TMEM201: variants seen among roughly 807,000 people sequenced by gnomAD.
TMEM201 encodes the protein RP13-15M17.2.
TMEM201 carries 26 observed loss-of-function variants against 63.4 expected under a neutral mutation model. That is an observed-to-expected ratio of 0.41 (90% CI 0.30 to 0.57). The LOEUF (loss-of-function observed/expected upper bound fraction) is 0.57, where lower values mean the gene tolerates loss of function less well. Ranked by LOEUF, TMEM201 falls within the 20% of genes least tolerant of loss-of-function variation. TMEM201 has a pLI of 0.29. For missense variants in TMEM201, 794 were observed against 917.7 expected (o/e 0.87, Z 1.74); for synonymous variants, 417 against 421.6 (o/e 0.99, Z 0.14).
chr1:9,593,332 C>A (rs142625733), intron 1 of TMEM201, among the ~76,000 whole-genome samples: 1 of 152,184 alleles, frequency 6.6e-6, no homozygotes, highest in Admixed American at 6.5e-5. Context: ...CCCCATCGAC[C>A]CCTGGCCTAC....
Position 9,588,955 on chromosome 1 carries a change from GC to G in TMEM201, c.28del (p.Arg10AlafsTer30). The G allele has an allele frequency of 1.6e-6, 2 of 1,272,474 alleles. No individual in the cohort carries two copies. The highest frequency in any genetic ancestry group is 1.6e-5 in the South Asian group (1 of 64,090). The allele number at this position is 1,272,474 out of a possible 1,614,324, so 78.8% of individuals were successfully genotyped here. A position where few individuals can be genotyped will look rare whatever the true frequency, so the allele number is the denominator to read the frequency against. On this transcript the variant is annotated frameshift_variant, in exon 1 of 11. Coordinates refer to ENST00000340381, the MANE Select transcript of TMEM201 (RefSeq NM_001130924.3). LOFTEE classifies it high-confidence loss of function. The stretch of plus-strand genomic sequence containing the variant: ...CATGGAGGGAGTGAGCGCGCTGCTG[GC>G]CCGCTGCCCCACGGCCGGCCTGGCC... MEGVSALL[A>X]RCPTAGLAGG...
intron 7 of TMEM201, among the ~76,000 whole-genome samples, chr1:9,609,312 G>T (rs542258086): frequency 1.3e-5 from 2 of 152,356 alleles, no homozygotes; most frequent in Non-Finnish European, 2.9e-5. Context: ...TCAGCTCTCA[G>T]CCAGCCACTT....
chr1:9,613,134 C>T lies in TMEM201; in HGVS notation c.*51C>T. 6.6e-7 allele frequency: 1 copy of T among 1,519,768 alleles called. No homozygotes were observed. Among genetic ancestry groups the T allele is most frequent in the Non-Finnish European group, 8.9e-7 (1 of 1,124,548 alleles). 94.1% of individuals were successfully genotyped at this position (1,519,768 alleles called of 1,614,324 possible). ...GAGCAACCCGGTGCCTGCTGCTTCA[C>T]CACTGCCGGCCTCAGGACCCTCCCT... On this transcript the variant is annotated 3_prime_UTR_variant, in exon 11 of 11. Coordinates refer to ENST00000340381, the MANE Select transcript of TMEM201 (RefSeq NM_001130924.3).
In TMEM201 at chr1:9,601,466, G is replaced by A; in HGVS notation, c.956+12G>A. ...GCTGGCCGCATCAGGTGTGCATGGG[G>A]CCAGGGCCAGGAGTTGGCGGGCAGG... On this transcript the variant is annotated intron_variant, in intron 5 of 10. Coordinates refer to ENST00000340381, the MANE Select transcript of TMEM201 (RefSeq NM_001130924.3). 2 of 1,569,904 alleles carry A rather than the reference G, an allele frequency of 1.3e-6. No individual in the cohort carries two copies. Among genetic ancestry groups the A allele is most frequent in the South Asian group, 1.2e-5 (1 of 86,894 alleles).
At chr1:9,589,092 C>A in intron 1 of TMEM201, 49 bp downstream of exon 1, 1 of 844,986 alleles carries the variant, frequency 1.2e-6, no homozygotes, top group Non-Finnish European at 1.4e-6. Flanking sequence ...GCCCGCCAGG[C>A]CCGCCCCCGC....
At chr1:9,596,182 C>G (rs1325244166) in intron 2 of TMEM201, among the ~76,000 whole-genome samples, 172 bp downstream of exon 2, 1 of 152,186 alleles carries the variant, frequency 6.6e-6, no homozygotes, top group Admixed American at 6.5e-5. Flanking sequence ...TTGTCTCACT[C>G]GATTCTCACC....
In TMEM201 at chr1:9,612,599, A is replaced by G. The variant is rs143787807; in HGVS notation, c.1904-387A>G. Among the ~76,000 whole-genome samples the G allele has an allele frequency of 8.1e-3, 1,240 of 152,368 alleles. 8 individuals carry two copies. Among genetic ancestry groups the G allele is most frequent in the South Asian group, 0.038 (183 of 4,834 alleles). On this transcript the variant is annotated intron_variant, in intron 10 of 10. Transcript: ENST00000340381. Reference sequence around the variant, plus strand: ...GGTGAGAACGCAGGCTGCGGCATGCAGCAGGTGGACCTGGGTTGGCTGCTT... The same window carrying G: ...GGTGAGAACGCAGGCTGCGGCATGCGGCAGGTGGACCTGGGTTGGCTGCTT...
chr1:9,604,197 G>A lies in TMEM201; in HGVS notation c.1160+1925G>A, dbSNP rs1644201455. 2 of 985,278 alleles carry A rather than the reference G, an allele frequency of 2.0e-6. No homozygotes were observed. The highest frequency in any genetic ancestry group is 9.4e-5 in the South Asian group (2 of 21,294). The allele number at this position is 985,278 out of a possible 1,614,324, so 61.0% of individuals were successfully genotyped here. On this transcript the variant is annotated intron_variant, in intron 6 of 10. Transcript: ENST00000340381. The surrounding 1 kb of genome is among the most constrained non-coding windows in gnomAD (Gnocchi z 4.1). ...GTGATGCTAATGTCTGCTTTTCTTG[G>A]CGTTGGGTAGAAGCAGGACATCTGT...
chr1:9,607,386 G>C lies in TMEM201; in HGVS notation c.1161-171G>C, dbSNP rs1373100123. ...ACCTCCCAGCCACCCGCTCCTAATG[G>C]CGTGAATGTGGTCGGATTGCTTTTC... On this transcript the variant is annotated intron_variant, in intron 6 of 10. Transcript: ENST00000340381. The surrounding 1 kb of genome is among the most constrained non-coding windows in gnomAD (Gnocchi z 5.4). Among the ~76,000 whole-genome samples, 1 of 152,048 alleles carries C rather than the reference G, an allele frequency of 6.6e-6. No individual in the cohort carries two copies.
Position 9,602,549 on chromosome 1 carries a change from G to A in TMEM201, c.1160+277G>A. 4 of 1,356,562 alleles carry A rather than the reference G, an allele frequency of 2.9e-6. No individual in the cohort carries two copies. The South Asian group carries it at 4.7e-5, about 16-fold the overall frequency. The allele number at this position is 1,356,562 out of a possible 1,614,324, so 84.0% of individuals were successfully genotyped here. A position where few individuals can be genotyped will look rare whatever the true frequency, so the allele number is the denominator to read the frequency against. ...TCTCTGGCCAATGGCCCTTTCACTG[G>A]CCTGGTGACTGGAATGTGGGCAGCG... is the stretch of plus-strand genomic sequence containing the variant. On this transcript the variant is annotated intron_variant, in intron 6 of 10. Coordinates refer to ENST00000340381, the MANE Select transcript of TMEM201 (RefSeq NM_001130924.3).
Position 9,588,955 on chromosome 1 carries a change from G to A in TMEM201, c.25G>A (p.Ala9Thr). The part of the protein sequence containing the change: MEGVSALL[A>T]RCPTAGLAGG... The stretch of plus-strand genomic sequence containing the variant: ...CATGGAGGGAGTGAGCGCGCTGCTG[G>A]CCCGCTGCCCCACGGCCGGCCTGGC... The change falls in exon 1 of 11, where the codon GCC (alanine) becomes ACC (threonine). Residue 9 changes from alanine (A) to threonine (T), a missense_variant. Coordinates refer to ENST00000340381, the MANE Select transcript of TMEM201 (RefSeq NM_001130924.3). 3.9e-6 allele frequency: 5 copies of A among 1,272,478 alleles called. No homozygotes were observed. The highest frequency in any genetic ancestry group is 1.6e-5 in the South Asian group (1 of 64,092). The allele number at this position is 1,272,478 out of a possible 1,614,324, so 78.8% of individuals were successfully genotyped here. A position where few individuals can be genotyped will look rare whatever the true frequency, so the allele number is the denominator to read the frequency against.
At chr1:9,609,935 G>C in intron 8 of TMEM201, 24 bp downstream of exon 8, 1 of 1,550,036 alleles carries the variant, frequency 6.5e-7, no homozygotes, top group Non-Finnish European at 8.7e-7. Flanking sequence ...AGAGCTAAGT[G>C]GGGGACGGGG....
At chr1:9,601,063 CTG>C in intron 4 of TMEM201, 40 bp from the exon 5 acceptor site, 1 of 1,532,988 alleles carries the variant, frequency 6.5e-7, no homozygotes, top group Non-Finnish European at 8.9e-7. Context: ...GGGGGTGGCT[CTG>C]TGGCCGTCTC....
rs796773858 is a variant in TMEM201 at position 9,607,755 on chromosome 1, C to T, written c.1359C>T (p.Leu453=). 1.8e-5 allele frequency: 28 copies of T among 1,551,720 alleles called. No homozygotes were observed. The African/African-American group carries it at 3.8e-4, about 21-fold the overall frequency. Residue 453 remains leucine, a synonymous_variant, in exon 7 of 11, where the codon CTC becomes CTT. Coordinates refer to ENST00000340381, the MANE Select transcript of TMEM201 (RefSeq NM_001130924.3). The surrounding 1 kb of genome is among the most constrained non-coding windows in gnomAD (Gnocchi z 5.4). ...TGCCTGGCCGCCTCAGCCGGGCCCTCTCTCTGGGAACCATACCCTCTCTGA... is the reference window on the plus strand; with the variant it reads ...TGCCTGGCCGCCTCAGCCGGGCCCTTTCTCTGGGAACCATACCCTCTCTGA... The part of the protein sequence containing the change: ...SSLPGRLSRA[L]SLGTIPSLTR...
Position 9,607,859 on chromosome 1 carries a change from C to T in TMEM201, c.1393+70C>T, listed in dbSNP as rs1644269753. On this transcript the variant is annotated intron_variant, in intron 7 of 10. Coordinates refer to ENST00000340381, the MANE Select transcript of TMEM201 (RefSeq NM_001130924.3). This position sits in a 1 kb window ranked among gnomAD's most constrained non-coding sequence, Gnocchi z 5.4. ...GCTGGGACAGAACTGTGGATGGGTA[C>T]ATAGTGTAGGGAGGGCCGGGAGTGG... 2.1e-6 allele frequency: 3 copies of T among 1,424,824 alleles called. No individual in the cohort carries two copies. Among genetic ancestry groups the T allele is most frequent in the East Asian group, 2.5e-5 (1 of 39,990 alleles). 88.3% of individuals were successfully genotyped at this position (1,424,824 alleles called of 1,614,324 possible).
At position 9,610,864 on chromosome 1, in the gene TMEM201, G is replaced by A. The variant is rs1190725115; in HGVS notation, c.1765+59G>A. ...GAGGGCCTCTGCTGCCAAGAGGCCT[G>A]GCTGTGCGGCGGTGGGGGGGCTCAT... On this transcript the variant is annotated intron_variant, in intron 9 of 10. Coordinates refer to ENST00000340381, the MANE Select transcript of TMEM201 (RefSeq NM_001130924.3). The surrounding 1 kb of genome is among the most constrained non-coding windows in gnomAD (Gnocchi z 4.9). 13 of 1,495,892 alleles carry A rather than the reference G, an allele frequency of 8.7e-6. No homozygotes were observed. Among genetic ancestry groups the A allele is most frequent in the Non-Finnish European group, 1.2e-5 (13 of 1,118,498 alleles). 92.7% of individuals were successfully genotyped at this position (1,495,892 alleles called of 1,614,324 possible).
In TMEM201 at chr1:9,601,187, C is replaced by G; in HGVS notation, c.689C>G (p.Thr230Ser). ...LAFLACAFLLTTALYGASGHF... is the reference protein window; with the variant it reads ...LAFLACAFLLSTALYGASGHF... ...TTCCTGGCCTGCGCCTTCCTACTGACCACCGCGCTGTATGGGGCCAGCGGA... is the reference window on the plus strand; with the variant it reads ...TTCCTGGCCTGCGCCTTCCTACTGAGCACCGCGCTGTATGGGGCCAGCGGA... The change falls in exon 5 of 11, where the codon ACC becomes AGC. Residue 230 changes from threonine (T) to serine (S), a missense_variant. By Grantham distance (58) the Thr-to-Ser change is moderately conservative. Transcript: ENST00000340381. 1.2e-6 allele frequency: 2 copies of G among 1,613,074 alleles called. No homozygotes were observed. Among genetic ancestry groups the G allele is most frequent in the Non-Finnish European group, 1.7e-6 (2 of 1,179,734 alleles).
At position 9,595,945 on chromosome 1, in the gene TMEM201, G is replaced by C; in HGVS notation, c.169G>C (p.Val57Leu). 2 of 1,613,674 alleles carry C rather than the reference G, an allele frequency of 1.2e-6. No individual in the cohort carries two copies. Among genetic ancestry groups the C allele is most frequent in the Non-Finnish European group, 1.7e-6 (2 of 1,180,004 alleles). Residue 57 changes from valine (V) to leucine (L), a missense_variant, in exon 2 of 11, where the codon GTG (valine) becomes CTG (leucine). Physicochemically the swap from Val to Leu is conservative, Grantham distance 32. Coordinates refer to ENST00000340381, the MANE Select transcript of TMEM201 (RefSeq NM_001130924.3). ...CTGGTTCTGCAACCAGGATACGCTG[G>C]TGCCCTATGGGAACCGCAACTGCTG... ...NCWFCNQDTL[V>L]PYGNRNCWDC...
chr1:9,589,125 C>G, intron 1 of TMEM201, 82 bp downstream of exon 1: 2 of 633,138 alleles, frequency 3.2e-6, no homozygotes, highest in Non-Finnish European at 3.9e-6. Flanking sequence ...CGCTGCCCCC[C>G]TCGGCCGGGA....
Sources: allele counts gnomAD v4.1 joint callset (sites outside exome capture counted in the v4.1 genomes callset), GRCh38; gene constraint gnomAD v4.1.1; non-coding constraint Gnocchi (gnomAD v3.1); transcripts MANE v1.5; gene names NCBI Gene and HGNC (gene_info 2026-07-23, HGNC 2026-07-21).